Variants in FMN1 observed in about 807,000 individuals in gnomAD.
FMN1 encodes the protein formin 1.
Under a neutral mutation model 132.4 loss-of-function variants are expected in FMN1, and 110 were observed. The ratio of observed to expected loss-of-function variants is 0.83; its 90% CI spans 0.71 to 0.97. The LOEUF (loss-of-function observed/expected upper bound fraction) is 0.97. Ranked by LOEUF, FMN1 falls within the 50% of genes least tolerant of loss-of-function variation. The pLI, the probability that FMN1 is intolerant of heterozygous loss-of-function variation, is 0.00. For missense variants in FMN1, 1,792 were observed against 1,705.3 expected, an observed-to-expected ratio of 1.05 and a Z score of -0.90; for synonymous variants, 722 against 651.7, an observed-to-expected ratio of 1.11 and a Z score of -1.64.
chr15:32,846,471 A>G (rs1013291433), intron 17 of FMN1, among the ~76,000 whole-genome samples: 1 of 152,258 alleles, frequency 6.6e-6, no homozygotes, highest in Non-Finnish European at 1.5e-5. Flanking sequence ...AAAGTTCAAC[A>G]TCACTGATCA....
chr15:33,101,164 A>G (rs926223582), intron 4 of FMN1, among the ~76,000 whole-genome samples: 1 of 152,204 alleles, frequency 6.6e-6, no homozygotes, highest in South Asian at 2.1e-4. Flanking sequence ...CTTAACCACC[A>G]AAGGATGGTA....
rs781298447 is a variant in FMN1, at chr15:33,067,450, G to A, written c.2044-2376C>T. 6 of 1,613,968 alleles carry A rather than the reference G, an allele frequency of 3.7e-6. No individual in the cohort carries two copies. In the Admixed American group the frequency reaches 5.0e-5, roughly 13 times the overall value. On this transcript the variant is annotated intron_variant, in intron 5 of 20. Transcript: ENST00000616417. ...CACCATCATCAGAGTCAGAATCACT[G>A]GTGGTGTGCACCAGGGTCCCACGAA...
chr15:32,964,120 T>C lies in FMN1; in HGVS notation c.3125A>G (p.Asn1042Ser). The change falls in exon 9 of 21, where the codon AAC becomes AGC. Residue 1042 changes from asparagine to serine, a missense_variant. This residue lies in a region of FMN1 where 1,150 missense variants were observed against 1,043.1 expected (regional missense o/e 1.10). Transcript: ENST00000616417. Reference protein sequence around the residue: ...KPLSETYEKKNKVKKIIKLLD... With the variant: ...KPLSETYEKKSKVKKIIKLLD... ...ATCACTCAGTACCTTTTTGACCTTGTTTTTCTTCTCATAAGTCTCTGACAG... is the reference window on the plus strand; with the variant it reads ...ATCACTCAGTACCTTTTTGACCTTGCTTTTCTTCTCATAAGTCTCTGACAG... 1 of 1,611,716 alleles carries C rather than the reference T, an allele frequency of 6.2e-7. No individual in the cohort carries two copies. The highest frequency in any genetic ancestry group is 8.5e-7 in the Non-Finnish European group (1 of 1,179,070).
chr15:32,856,748 A>G (rs549642842), intron 17 of FMN1, among the ~76,000 whole-genome samples: 1 of 152,358 alleles, frequency 6.6e-6, no homozygotes, highest in Admixed American at 6.5e-5. Context: ...TGAAGAGACA[A>G]AAAAGTTTGT....
At chr15:33,013,484 C>A (rs944310692) in intron 6 of FMN1, among the ~76,000 whole-genome samples, 11 of 112,730 alleles carry the variant, frequency 9.8e-5, no homozygotes, top group Non-Finnish European at 2.4e-4. Context: ...AGAAGATGAA[C>A]CAAGTTGGGT....
chr15:32,835,279 A>C (rs55746350), intron 17 of FMN1, among the ~76,000 whole-genome samples: 24,862 of 152,232 alleles, frequency 0.16, 2,406 homozygotes, highest in East Asian at 0.33. Context: ...ATTTTAAATA[A>C]GAGGCATCTC....
chr15:32,776,786 C>T (rs1344905383), intron 20 of FMN1, 49 bp downstream of exon 20: 11 of 1,186,322 alleles, frequency 9.3e-6, no homozygotes, highest in Non-Finnish European at 1.2e-5. Context: ...CCTGGGCGCA[C>T]CTCAATTTTC....
chr15:32,821,217 T>C (rs1172347960), intron 17 of FMN1, among the ~76,000 whole-genome samples: 2 of 151,958 alleles, frequency 1.3e-5, no homozygotes, highest in Admixed American at 1.3e-4. Context: ...TCATTTCTTT[T>C]TCCTTTCAGC....
At chr15:33,114,979 C>A (rs2039858730) in intron 4 of FMN1, among the ~76,000 whole-genome samples, 1 of 152,116 alleles carries the variant, frequency 6.6e-6, no homozygotes, top group Non-Finnish European at 1.5e-5. Context: ...ATAAACTGAC[C>A]TGCACTGATC....
intron 17 of FMN1, among the ~76,000 whole-genome samples, chr15:32,844,681 A>G (rs1327876699): frequency 6.6e-6 from 1 of 152,250 alleles, no homozygotes; most frequent in African/African-American, 2.4e-5. Context: ...AAAGATGCAC[A>G]TAACTTTCCT....
chr15:32,966,089 C>T (rs1261368721), intron 8 of FMN1, among the ~76,000 whole-genome samples: 1 of 152,074 alleles, frequency 6.6e-6, no homozygotes, highest in East Asian at 1.9e-4. Context: ...AGGTTCTGGG[C>T]AGCTAAGGGG....
intron 9 of FMN1, among the ~76,000 whole-genome samples, chr15:32,932,139 C>G (rs1428223457): frequency 1.3e-5 from 2 of 152,188 alleles, no homozygotes; most frequent in African/African-American, 4.8e-5. Context: ...TGGCTCATGC[C>G]TGTAATCCCA....
chr15:32,839,705 A>G (rs2058703825), intron 17 of FMN1, among the ~76,000 whole-genome samples: 1 of 151,920 alleles, frequency 6.6e-6, no homozygotes, highest in Non-Finnish European at 1.5e-5. Flanking sequence ...TGGAAGTAGG[A>G]TTGAGAGAGA....
chr15:33,012,615 C>T, intron 6 of FMN1: 1 of 1,023,842 alleles, frequency 9.8e-7, no homozygotes. Flanking sequence ...TTCAGAAATA[C>T]CACACTGCAA....
intron 19 of FMN1, among the ~76,000 whole-genome samples, chr15:32,782,230 C>T (rs1280054698): frequency 6.6e-6 from 1 of 152,200 alleles, no homozygotes; most frequent in Admixed American, 6.5e-5. Context: ...GGGACCTCTC[C>T]TTGTTCCTTT....
chr15:32,954,684 T>C (rs1260000267), intron 9 of FMN1, among the ~76,000 whole-genome samples: 3 of 152,198 alleles, frequency 2.0e-5, no homozygotes, highest in East Asian at 1.9e-4. Context: ...TGCAGTTAAA[T>C]GCAGACGAAT....
At chr15:33,081,861 G>T (rs1472211139) in intron 5 of FMN1, among the ~76,000 whole-genome samples, 2 of 152,104 alleles carry the variant, frequency 1.3e-5, no homozygotes, top group Non-Finnish European at 2.9e-5. Flanking sequence ...AGGAGCCTTG[G>T]TAATTACATC....
intron 4 of FMN1, among the ~76,000 whole-genome samples, chr15:33,093,127 T>C (rs2038960543): frequency 6.6e-6 from 1 of 152,230 alleles, no homozygotes; most frequent in Admixed American, 6.5e-5. Flanking sequence ...CTGTTTCCTC[T>C]AATTCTCCCA....
chr15:33,171,503 T>C (rs1390217644), intron 3 of FMN1, among the ~76,000 whole-genome samples: 1 of 151,068 alleles, frequency 6.6e-6, no homozygotes, highest in African/African-American at 2.5e-5. Flanking sequence ...TATATGTCGA[T>C]TAAAAAAACT....
Sources: gnomAD v4.1 joint callset for allele counts (sites outside exome capture counted in the v4.1 genomes callset) on GRCh38, gnomAD v4.1.1 for gene constraint, gnomAD v4.1.1 regional missense constraint, MANE v1.5 for transcripts, NCBI Gene and HGNC (gene_info 2026-07-23, HGNC 2026-07-21) for gene names.